The following SRPK2 variants were observed in gnomAD, a reference collection of about 807,000 sequenced individuals.
SRPK2 encodes the protein SFRS protein kinase 2.
A neutral mutation model predicts 90.8 loss-of-function variants in SRPK2; 21 were observed. The observed-to-expected ratio is 0.23, with a 90% CI of 0.16 to 0.33. The LOEUF (loss-of-function observed/expected upper bound fraction) is 0.33, where lower values mean the gene tolerates loss of function less well. SRPK2 is among the 10% of genes least tolerant of loss of function. The pLI, the probability that SRPK2 is intolerant of heterozygous loss-of-function variation, is 1.00. For missense variants in SRPK2, 620 were observed against 869.0 expected (o/e 0.71, Z 3.60); for synonymous variants, 288 against 311.1 (o/e 0.93, Z 0.78).
Position 105,283,924 on chromosome 7 carries a change from A to G in SRPK2, c.72-80139T>C, listed in dbSNP as rs567825591. 1.3e-3 allele frequency among the ~76,000 whole-genome samples: 205 copies of G among 152,242 alleles called. 2 individuals carry two copies. Among genetic ancestry groups the G allele is most frequent in the Admixed American group, 1.7e-3 (26 of 15,298 alleles). ...AGTGGAGGCTGAGCCCAGAAAGTCA[A>G]CGCTATAGTGAGCCGTGATGGTGCC... On this transcript the variant is annotated intron_variant, in intron 2 of 15. Coordinates refer to ENST00000393651, the MANE Select transcript of SRPK2 (RefSeq NM_182692.3).
chr7:105,378,831 T>G (rs767348865), intron 2 of SRPK2, among the ~76,000 whole-genome samples: 28 of 151,598 alleles, frequency 1.8e-4, no homozygotes, highest in Non-Finnish European at 2.9e-4. Context: ...TAATGAAATA[T>G]CAATACACAC....
At chr7:105,242,681 C>A (rs1800975329) in intron 2 of SRPK2, among the ~76,000 whole-genome samples, 1 of 152,300 alleles carries the variant, frequency 6.6e-6, no homozygotes, top group African/African-American at 2.4e-5. Flanking sequence ...GTGACAAAAA[C>A]AATCTAGAGT....
At position 105,246,940 on chromosome 7, in the gene SRPK2, G is replaced by A. The variant is rs185743319; in HGVS notation, c.72-43155C>T. On this transcript the variant is annotated intron_variant, in intron 2 of 15. Transcript: ENST00000393651. ...CAGCTCATAGCTCAAATTCTTCCAAGAGCCAGGCAGGTGAGTGAGAAGCAC... is the reference window on the plus strand; with the variant it reads ...CAGCTCATAGCTCAAATTCTTCCAAAAGCCAGGCAGGTGAGTGAGAAGCAC... 4.0e-3 allele frequency among the ~76,000 whole-genome samples: 612 copies of A among 152,214 alleles called. 11 individuals carry two copies. Among genetic ancestry groups the A allele is most frequent in the Non-Finnish European group, 4.0e-3 (269 of 68,020 alleles).
At chr7:105,358,317 C>T (rs565297869) in intron 2 of SRPK2, among the ~76,000 whole-genome samples, 1 of 151,180 alleles carries the variant, frequency 6.6e-6, no homozygotes, top group South Asian at 2.1e-4. Context: ...AGATAACACA[C>T]ATTTTGTATG....
intron 2 of SRPK2, among the ~76,000 whole-genome samples, chr7:105,248,275 A>C (rs939608944): frequency 3.9e-5 from 6 of 152,148 alleles, no homozygotes; most frequent in Admixed American, 6.5e-5. Context: ...TAGCCTAAGA[A>C]ATCACACAGT....
chr7:105,134,276 C>T (rs888569183), intron 11 of SRPK2, among the ~76,000 whole-genome samples: 4 of 152,244 alleles, frequency 2.6e-5, no homozygotes, highest in African/African-American at 7.2e-5. Flanking sequence ...TTCCACGTTG[C>T]TGTTCTCGTG....
At chr7:105,214,719 G>A (rs1447302879) in intron 2 of SRPK2, among the ~76,000 whole-genome samples, 1 of 152,118 alleles carries the variant, frequency 6.6e-6, no homozygotes, top group Non-Finnish European at 1.5e-5. Flanking sequence ...ATAAACAGAA[G>A]ACATCCCATA....
chr7:105,303,490 T>C (rs1408680683), intron 2 of SRPK2, among the ~76,000 whole-genome samples: 1 of 152,068 alleles, frequency 6.6e-6, no homozygotes, highest in Non-Finnish European at 1.5e-5. Context: ...GAGTAAAAAG[T>C]AATTAACATT....
At chr7:105,393,003 T>C (rs367618806), upstream of SRPK2, among the ~76,000 whole-genome samples, 703 of 147,172 alleles carry the variant, frequency 4.8e-3, 11 homozygotes, top group East Asian at 0.055. Flanking sequence ...TTTTTTTTGG[T>C]GGAGAGGGGA....
intron 2 of SRPK2, among the ~76,000 whole-genome samples, chr7:105,376,229 C>T (rs764088264): frequency 1.3e-4 from 20 of 151,686 alleles, no homozygotes; most frequent in Non-Finnish European, 2.6e-4. Context: ...TATCTCCTGA[C>T]CTTGTGATCC....
At chr7:105,234,998 T>C (rs1339204233) in intron 2 of SRPK2, among the ~76,000 whole-genome samples, 2 of 152,216 alleles carry the variant, frequency 1.3e-5, no homozygotes, top group African/African-American at 4.8e-5. Context: ...AAACATGAGT[T>C]ATTTCTGCAA....
intron 2 of SRPK2, among the ~76,000 whole-genome samples, chr7:105,340,264 T>C (rs1368531977): frequency 3.3e-5 from 3 of 91,970 alleles, no homozygotes; most frequent in Non-Finnish European, 7.8e-5. Flanking sequence ...ACAATGACTA[T>C]TTCAAGAAAA....
In SRPK2 at chr7:105,265,389, T is replaced by C. The variant is rs548608374; in HGVS notation, c.72-61604A>G. Among the ~76,000 whole-genome samples, 36 of 152,312 alleles carry C rather than the reference T, an allele frequency of 2.4e-4. 1 individual carries two copies. The highest frequency in any genetic ancestry group is 7.9e-4 in the African/African-American group (33 of 41,576). On this transcript the variant is annotated intron_variant, in intron 2 of 15. Coordinates refer to ENST00000393651, the MANE Select transcript of SRPK2 (RefSeq NM_182692.3). ...TATGGGACGAAGTACACAGGTTATGTGCAAATACTATACCATTTTACATGA... is the reference window on the plus strand; with the variant it reads ...TATGGGACGAAGTACACAGGTTATGCGCAAATACTATACCATTTTACATGA...
At position 105,255,703 on chromosome 7, in the gene SRPK2, G is replaced by C. The variant is rs530467207; in HGVS notation, c.72-51918C>G. On this transcript the variant is annotated intron_variant, in intron 2 of 15. Transcript: ENST00000393651. ...TCCCAGCACTTTGGGAGGCTGAGGC[G>C]GGCAGATCACCTGAGGTCAGGAGTT... Among the ~76,000 whole-genome samples the C allele has an allele frequency of 3.1e-4, 47 of 152,182 alleles. 1 individual carries two copies. In the South Asian group the frequency reaches 8.9e-3, roughly 29 times the overall value.
At chr7:105,209,314 G>C (rs771570992) in intron 2 of SRPK2, among the ~76,000 whole-genome samples, 1 of 151,698 alleles carries the variant, frequency 6.6e-6, no homozygotes, top group Non-Finnish European at 1.5e-5. Context: ...CTTTGGGGAG[G>C]CCACAGTGGG....
At position 105,220,751 on chromosome 7, in the gene SRPK2, A is replaced by AT. The variant is rs571616945; in HGVS notation, c.72-16967dup. Among the ~76,000 whole-genome samples, 651 of 149,278 alleles carry AT rather than the reference A, an allele frequency of 4.4e-3. 11 individuals are homozygous for AT. The East Asian group carries it at 0.056, about 13-fold the overall frequency. ...GTTTTCACTAAGACTCACTTTAACC[A>AT]TTTTTTTTTTCCATCAAGACATCCA... On this transcript the variant is annotated intron_variant, in intron 2 of 15. Transcript: ENST00000393651.
At chr7:105,134,792 G>A (rs1285700014) in intron 11 of SRPK2, among the ~76,000 whole-genome samples, 1 of 152,206 alleles carries the variant, frequency 6.6e-6, no homozygotes, top group Non-Finnish European at 1.5e-5. Context: ...ATTCTGACCA[G>A]TATCTTAACC....
intron 2 of SRPK2, among the ~76,000 whole-genome samples, chr7:105,257,479 T>C (rs1407563725): frequency 1.3e-5 from 2 of 152,218 alleles, no homozygotes. Flanking sequence ...GGTATTGAAT[T>C]ACACTGAATC....
chr7:105,323,991 G>GTGTGTGTA (rs1813244986), intron 2 of SRPK2, among the ~76,000 whole-genome samples: 1 of 130,108 alleles, frequency 7.7e-6, no homozygotes, highest in Non-Finnish European at 1.8e-5. Flanking sequence ...GTGTGTGTGT[G>GTGTGTGTA]TGTGTGTGTG....
Sources: gnomAD v4.1 joint callset for allele counts (sites outside exome capture counted in the v4.1 genomes callset) on GRCh38, gnomAD v4.1.1 for gene constraint, MANE v1.5 for transcripts, NCBI Gene and HGNC (gene_info 2026-07-23, HGNC 2026-07-21) for gene names.